Variants in ZNF248 observed in about 807,000 individuals in gnomAD.
ZNF248 encodes the protein zinc finger protein 248.
ZNF248 carries 20 observed loss-of-function variants against 44.3 expected under a neutral mutation model. The observed-to-expected ratio is 0.45, with a 90% CI of 0.32 to 0.66. ZNF248 has a LOEUF of 0.66. Among genes scored for constraint, ZNF248 ranks in the 30% least tolerant of loss-of-function variants. The probability of loss-of-function intolerance (pLI) is 0.04; values close to 1 mark genes in which losing one functional copy is unlikely to be tolerated. For missense variants in ZNF248, 654 were observed against 677.0 expected, an observed-to-expected ratio of 0.97 and a Z score of 0.38; for synonymous variants, 224 against 229.0, an observed-to-expected ratio of 0.98 and a Z score of 0.20.
At chr10:37,779,684 A>G (rs1364497479) in intron 6 of ZNF248, among the ~76,000 whole-genome samples, 2 of 151,792 alleles carry the variant, frequency 1.3e-5, no homozygotes, top group African/African-American at 2.4e-5. Flanking sequence ...GCAGGAGAAG[A>G]AAATAAAGGG....
intron 6 of ZNF248, among the ~76,000 whole-genome samples, chr10:37,780,622 G>A (rs1454019251): frequency 1.3e-5 from 2 of 152,180 alleles, no homozygotes; most frequent in African/African-American, 2.4e-5. Flanking sequence ...CTGGCGTAGG[G>A]ACTAATTCAC....
At chr10:37,784,021 T>A (rs1417758086) in intron 6 of ZNF248, 1 of 152,190 alleles carries the variant, frequency 6.6e-6, no homozygotes, top group African/African-American at 2.4e-5. Flanking sequence ...TCCATGTTGG[T>A]CAGGCTGGTC....
At chr10:37,827,934 G>C (rs914499410), downstream of ZNF248, among the ~76,000 whole-genome samples, 2 of 152,132 alleles carry the variant, frequency 1.3e-5, no homozygotes, top group Admixed American at 1.3e-4. Flanking sequence ...AGGCTCTTAG[G>C]AGTTTACCAG....
At chr10:37,765,520 C>T in the ZNF248 span, among the ~76,000 whole-genome samples, 15 of 152,292 alleles carry the variant, frequency 9.8e-5, no homozygotes, top group African/African-American at 3.4e-4. Context: ...ACACCAGTCT[C>T]CCAACAACAA....
the ZNF248 span, among the ~76,000 whole-genome samples, chr10:37,760,461 T>C: frequency 6.6e-6 from 1 of 152,198 alleles, no homozygotes. Flanking sequence ...GGGTTCAATC[T>C]ATCCACCCAC....
chr10:37,804,282 T>C (rs1268155395), intron 6 of ZNF248, among the ~76,000 whole-genome samples: 1 of 151,574 alleles, frequency 6.6e-6, no homozygotes, highest in Non-Finnish European at 1.5e-5. Flanking sequence ...TGTTATAACA[T>C]CAAACTTCAG....
downstream of ZNF248, among the ~76,000 whole-genome samples, chr10:37,823,995 G>A (rs745444510): frequency 2.0e-4 from 31 of 152,114 alleles, no homozygotes; most frequent in Admixed American, 2.6e-4. Context: ...CAGTTTTCCA[G>A]AAAAATTGAA....
chr10:37,826,217 GAAGT>G (rs1291144300), downstream of ZNF248, among the ~76,000 whole-genome samples: 4 of 152,026 alleles, frequency 2.6e-5, no homozygotes, highest in African/African-American at 7.2e-5. Flanking sequence ...TGAAATATAA[GAAGT>G]AATATAAACC....
At chr10:37,828,044 G>A (rs1001415141), downstream of ZNF248, among the ~76,000 whole-genome samples, 2 of 152,206 alleles carry the variant, frequency 1.3e-5, no homozygotes, top group African/African-American at 4.8e-5. Context: ...TGCACTGGGG[G>A]ATAAACTGTT....
rs1472732107 is a variant in ZNF248, at chr10:37,788,008, T to TGGCCAGGCATG, written c.331-11434_331-11433insCATGCCTGGCC. 3.3e-5 allele frequency among the ~76,000 whole-genome samples: 5 copies of TGGCCAGGCATG among 151,950 alleles called. No individual in the cohort carries two copies. In the East Asian group the frequency reaches 9.7e-4, roughly 30 times the overall value. On this transcript the variant is annotated intron_variant, in intron 6 of 6. Transcript: ENST00000615949. ...ACTTGGCCAGGCATGGTGGCTCAAG[T>TGGCCAGGCATG]CTGTAATCCCAGCACTTTGGGAGGC...
intron 6 of ZNF248, among the ~76,000 whole-genome samples, chr10:37,818,208 G>A (rs9418288): frequency 6.6e-6 from 1 of 152,076 alleles, no homozygotes; most frequent in South Asian, 2.1e-4. Context: ...GAGCCACTGT[G>A]CCCGGCCTTC....
In ZNF248 at chr10:37,831,374, G is replaced by T; in HGVS notation, c.*241C>A. 1 of 1,546,174 alleles carries T rather than the reference G, an allele frequency of 6.5e-7. No homozygotes were observed. Among genetic ancestry groups the T allele is most frequent in the Admixed American group, 2.0e-5 (1 of 50,650 alleles). ...ATTTGCAACAAAATTTTGGTATCACGTCTGGAATATAACACTAAACAACAT... is the reference window on the plus strand; with the variant it reads ...ATTTGCAACAAAATTTTGGTATCACTTCTGGAATATAACACTAAACAACAT... On this transcript the variant is annotated 3_prime_UTR_variant, in exon 6 of 6. Transcript: ENST00000395867.
chr10:37,798,978 T>C (rs1466456618), intron 6 of ZNF248, among the ~76,000 whole-genome samples: 1 of 152,102 alleles, frequency 6.6e-6, no homozygotes, highest in Non-Finnish European at 1.5e-5. Flanking sequence ...CCCTGTTAGG[T>C]CAAGTGTACA....
chr10:37,832,322 C>A lies in ZNF248; in HGVS notation c.1033G>T (p.Val345Leu). Residue 345 changes from valine to leucine, a missense_variant, in exon 6 of 6, where the codon GTA (valine) becomes TTA (leucine). Transcript: ENST00000395867. ...EKSALLKHQIVHMGGKSYDYN... is the reference protein window; with the variant it reads ...EKSALLKHQILHMGGKSYDYN... ...TCATAAGACTTTCCCCCCATGTGTACTATTTGATGTTTTAAGAGAGCTGAC... is the reference window on the plus strand; with the variant it reads ...TCATAAGACTTTCCCCCCATGTGTAATATTTGATGTTTTAAGAGAGCTGAC... 6.2e-7 allele frequency: 1 copy of A among 1,614,042 alleles called. No homozygotes were observed. The highest frequency in any genetic ancestry group is 1.3e-5 in the African/African-American group (1 of 75,028).
At chr10:37,838,230 GCTATA>G in intron 3 of ZNF248, 119 bp from the exon 4 acceptor site, 1 of 862,168 alleles carries the variant, frequency 1.2e-6, no homozygotes, top group Non-Finnish European at 1.7e-6. Context: ...CCTCTGTGCT[GCTATA>G]CTATACAGAA....
At chr10:37,836,552 G>A (rs1453440749) in intron 5 of ZNF248, among the ~76,000 whole-genome samples, 3 of 152,162 alleles carry the variant, frequency 2.0e-5, no homozygotes, top group African/African-American at 7.2e-5. Flanking sequence ...AATCCACATA[G>A]CTCACACTTT....
chr10:37,765,988 G>C, the ZNF248 span, among the ~76,000 whole-genome samples: 1 of 152,230 alleles, frequency 6.6e-6, no homozygotes, highest in Non-Finnish European at 1.5e-5. Context: ...AGGGTCCTAC[G>C]CCCACGGAGT....
At chr10:37,848,915 T>C (rs896049043) in intron 3 of ZNF248, among the ~76,000 whole-genome samples, 4 of 152,142 alleles carry the variant, frequency 2.6e-5, no homozygotes, top group Admixed American at 6.5e-5. Context: ...CACTTTTAAA[T>C]ATGAATGGAA....
intron 6 of ZNF248, among the ~76,000 whole-genome samples, chr10:37,779,407 C>T (rs1261547197): frequency 2.0e-5 from 3 of 152,088 alleles, no homozygotes; most frequent in Admixed American, 2.0e-4. Context: ...GAGCCAAAGA[C>T]AAAAACCACA....
Sources: gnomAD v4.1 joint callset for allele counts (sites outside exome capture counted in the v4.1 genomes callset) on GRCh38, gnomAD v4.1.1 for gene constraint, MANE v1.5 for transcripts, NCBI Gene and HGNC (gene_info 2026-07-23, HGNC 2026-07-21) for gene names.